Variants in PC observed in about 807,000 individuals in gnomAD.
PC encodes the protein pyruvate carboxylase, mitochondrial.
A neutral mutation model predicts 107.8 loss-of-function variants in PC; 46 were observed. The observed-to-expected ratio is 0.43, with a 90% CI of 0.34 to 0.55. The LOEUF (loss-of-function observed/expected upper bound fraction) is 0.55, where lower values mean the gene tolerates loss of function less well. PC is among the 20% of genes least tolerant of loss of function. The pLI is 0.04. For missense variants in PC, 1,241 were observed against 1,643.1 expected (o/e 0.76, Z 4.23); for synonymous variants, 662 against 684.7 (o/e 0.97, Z 0.52).
At chr11:66,934,690 G>T (rs938224603) in intron 3 of PC, among the ~76,000 whole-genome samples, 2 of 152,130 alleles carry the variant, frequency 1.3e-5, no homozygotes, top group East Asian at 3.9e-4. Context: ...GGGGTGCAAT[G>T]GCACGATCTT....
intron 3 of PC, among the ~76,000 whole-genome samples, chr11:66,914,087 A>G (rs1481494886): frequency 6.6e-6 from 1 of 152,168 alleles, no homozygotes; most frequent in Admixed American, 6.5e-5. Flanking sequence ...GGCAATCCAA[A>G]CACTTCGGTA....
intron 3 of PC, among the ~76,000 whole-genome samples, chr11:66,903,802 A>G (rs560502297): frequency 9.3e-5 from 13 of 139,268 alleles, no homozygotes; most frequent in African/African-American, 2.9e-4. Context: ...ACACACACCC[A>G]CACACACCCA....
In PC at chr11:66,873,393, TATATA is replaced by T. The variant is rs1451326311; in HGVS notation, c.1-1239_1-1235del. 3.2e-3 allele frequency among the ~76,000 whole-genome samples: 323 copies of T among 102,092 alleles called. 2 individuals carry two copies. The highest frequency in any genetic ancestry group is 0.011 in the African/African-American group (288 of 25,576). 67.0% of individuals were successfully genotyped at this position (102,092 alleles called of 152,430 possible). A position where few individuals can be genotyped will look rare whatever the true frequency, so the allele number is the denominator to read the frequency against. ...ATTATATATAAAATATAAAATATTA[TATATA>T]ATATAATATAAATATATATAATATA... is the stretch of plus-strand genomic sequence containing the variant. On this transcript the variant is annotated intron_variant, in intron 3 of 22. Transcript: ENST00000393960.
intron 3 of PC, among the ~76,000 whole-genome samples, chr11:66,875,648 C>G (rs1253453598): frequency 1.3e-5 from 2 of 151,874 alleles, no homozygotes; most frequent in African/African-American, 4.8e-5. Context: ...GAGGATGGGG[C>G]GCGAGTTGGG....
At chr11:66,926,636 T>C (rs968302253) in intron 3 of PC, among the ~76,000 whole-genome samples, 2 of 152,208 alleles carry the variant, frequency 1.3e-5, no homozygotes, top group African/African-American at 2.4e-5. Context: ...AGCATATTTA[T>C]AATGTTGGTA....
intron 3 of PC, among the ~76,000 whole-genome samples, chr11:66,887,774 C>T (rs933758535): frequency 3.9e-5 from 6 of 152,198 alleles, no homozygotes; most frequent in African/African-American, 1.4e-4. Flanking sequence ...AAAAGTCCCA[C>T]TCAGAAGAAA....
chr11:66,894,185 T>C (rs1947670341), intron 3 of PC, among the ~76,000 whole-genome samples: 1 of 152,088 alleles, frequency 6.6e-6, no homozygotes, highest in Non-Finnish European at 1.5e-5. Context: ...TGTCTGTAGG[T>C]GGGAAACTCA....
intron 3 of PC, among the ~76,000 whole-genome samples, chr11:66,892,285 G>A (rs752414074): frequency 6.6e-6 from 1 of 152,182 alleles, no homozygotes; most frequent in Non-Finnish European, 1.5e-5. Flanking sequence ...TTGTAAAACA[G>A]CCAGTGCTTG....
At chr11:66,919,088 G>A (rs895871595) in intron 3 of PC, among the ~76,000 whole-genome samples, 3 of 152,072 alleles carry the variant, frequency 2.0e-5, no homozygotes, top group African/African-American at 7.2e-5. Flanking sequence ...AGCCTCAAAA[G>A]GTGAAATGAA....
At position 66,855,493 on chromosome 11, in the gene PC, T is replaced by C. The variant is rs12419573; in HGVS notation, c.1369-2110A>G. On this transcript the variant is annotated intron_variant, in intron 12 of 22. Coordinates refer to ENST00000393960, the MANE Select transcript of PC (RefSeq NM_001040716.2). ...TTTGTATTTTTAATAGAGATGGGGT[T>C]TCGCCATGTTTGCCAGGCTGGTCTG... 4.3e-3 allele frequency among the ~76,000 whole-genome samples: 661 copies of C among 152,312 alleles called. 9 individuals carry two copies. The highest frequency in any genetic ancestry group is 6.1e-3 in the Admixed American group (94 of 15,304).
intron 2 of PC, among the ~76,000 whole-genome samples, 180 bp downstream of exon 2, chr11:66,954,069 G>T (rs941850041): frequency 1.3e-5 from 2 of 152,122 alleles, no homozygotes; most frequent in Non-Finnish European, 2.9e-5. Flanking sequence ...AATAGATTTG[G>T]CAAGCCTTAA....
intron 3 of PC, among the ~76,000 whole-genome samples, chr11:66,952,122 C>T (rs965882263): frequency 2.6e-5 from 4 of 152,166 alleles, no homozygotes; most frequent in African/African-American, 7.2e-5. Context: ...AGAGACGGCC[C>T]AGCCCCAGGG....
rs769512871 is a variant in PC at position 66,849,341 on chromosome 11, G to A, written c.3177C>T (p.His1059=). 2.5e-6 allele frequency: 4 copies of A among 1,613,336 alleles called. No homozygotes were observed. In the Admixed American group the frequency reaches 5.0e-5, roughly 20 times the overall value. ...EVELERGKTL[H]IKALAVSDLN... is the part of the protein sequence containing the mutation. ...GGTCGCTCACGGCCAGGGCTTTGAT[G>A]TGCAGCGTCTTGCCCCGCTCCAGCT... Residue 1059 remains histidine (H), a synonymous_variant, in exon 22 of 23, where the codon CAC becomes CAT. Transcript: ENST00000393960.
Position 66,871,698 on chromosome 11 carries a change from T to C in PC, c.310A>G (p.Lys104Glu), listed in dbSNP as rs1946741029. ...QAYLHIPDII[K>E]VAKENNVDAV... is the part of the protein sequence containing the mutation. The stretch of plus-strand genomic sequence containing the variant: ...GCCACTGGGCTCACCTTGGCCACCT[T>C]GATGATGTCTGGGATGTGCAGGTAG... The change falls in exon 5 of 23, where the codon AAG becomes GAG. Residue 104 changes from lysine (K) to glutamate (E), a missense_variant. By Grantham distance (56) the Lys-to-Glu change is moderately conservative (BLOSUM62 1). Transcript: ENST00000393960. The surrounding 1 kb of genome is among the most constrained non-coding windows in gnomAD (Gnocchi z 7.4). 6.4e-7 allele frequency: 1 copy of C among 1,567,428 alleles called. No homozygotes were observed. The highest frequency in any genetic ancestry group is 2.4e-5 in the East Asian group (1 of 41,950).
chr11:66,954,583 C>G (rs929133984), intron 1 of PC, 147 bp from the exon 2 acceptor site: 1 of 152,252 alleles, frequency 6.6e-6, no homozygotes, highest in African/African-American at 2.4e-5. Flanking sequence ...AAACGGGGCC[C>G]ATTCAGATGG....
chr11:66,948,061 AGAT>A (rs1196990506), intron 3 of PC, among the ~76,000 whole-genome samples: 3 of 149,334 alleles, frequency 2.0e-5, no homozygotes, highest in South Asian at 2.1e-4. Context: ...ATAGATAGAT[AGAT>A]ATGCCAGGCG....
intron 3 of PC, among the ~76,000 whole-genome samples, chr11:66,893,900 G>T (rs1226812966): frequency 6.6e-6 from 1 of 151,478 alleles, no homozygotes; most frequent in South Asian, 2.1e-4. Context: ...TAAGCTTAGG[G>T]TCTTCTTTAG....
At chr11:66,867,682 A>G (rs998900977) in intron 10 of PC, among the ~76,000 whole-genome samples, 3 of 152,188 alleles carry the variant, frequency 2.0e-5, no homozygotes, top group Non-Finnish European at 2.9e-5. Flanking sequence ...CTGAGCCCCA[A>G]TCTGTCTGAC....
Position 66,857,872 on chromosome 11 carries a change from C to T in PC, c.1369-4489G>A, listed in dbSNP as rs369616742. The T allele has an allele frequency of 6.2e-7, 1 of 1,610,344 alleles. No homozygotes were observed. The highest frequency in any genetic ancestry group is 1.3e-5 in the African/African-American group (1 of 74,888). Reference sequence around the variant, plus strand: ...GCCCACCGAGGCCTGCTGTTTGTGCCGCCCAACGTGGACCGGCGCACAGTG... The same window carrying T: ...GCCCACCGAGGCCTGCTGTTTGTGCTGCCCAACGTGGACCGGCGCACAGTG... On this transcript the variant is annotated intron_variant, in intron 12 of 22. Transcript: ENST00000393960. The surrounding 1 kb of genome is among the most constrained non-coding windows in gnomAD (Gnocchi z 7.1).
Sources: allele counts gnomAD v4.1 joint callset (sites outside exome capture counted in the v4.1 genomes callset), GRCh38; gene constraint gnomAD v4.1.1; non-coding constraint Gnocchi (gnomAD v3.1); transcripts MANE v1.5; gene names NCBI Gene and HGNC (gene_info 2026-07-23, HGNC 2026-07-21).